Variants in LARP6 observed in about 807,000 individuals in gnomAD.
LARP6 encodes la-related protein 6.
Under a neutral mutation model 32.8 loss-of-function variants are expected in LARP6, and 18 were observed. The ratio of observed to expected loss-of-function variants is 0.55; its 90% CI spans 0.38 to 0.81. The LOEUF is 0.81. Among genes scored for constraint, LARP6 ranks in the 40% least tolerant of loss-of-function variants. LARP6 has a pLI of 0.00. For missense variants in LARP6, 598 were observed against 663.1 expected (o/e 0.90, Z 1.08); for synonymous variants, 289 against 267.2 (o/e 1.08, Z -0.80).
At chr15:70,838,207 T>C (rs1397965560) in intron 1 of LARP6, among the ~76,000 whole-genome samples, 1 of 152,250 alleles carries the variant, frequency 6.6e-6, no homozygotes, top group African/African-American at 2.4e-5. Flanking sequence ...ACCTGTACCA[T>C]TGTTTATTAG....
intron 1 of LARP6, among the ~76,000 whole-genome samples, chr15:70,840,865 CAAAT>C (rs1274004082): frequency 6.6e-6 from 1 of 150,570 alleles, no homozygotes; most frequent in Non-Finnish European, 1.5e-5. Context: ...AACTCATAAA[CAAAT>C]AAAGCATAAT....
chr15:70,832,521 G>A lies in LARP6; in HGVS notation c.1007C>T (p.Ala336Val). 7.8e-6 allele frequency: 12 copies of A among 1,544,046 alleles called. No homozygotes were observed. The highest frequency in any genetic ancestry group is 1.8e-4 in the Middle Eastern group (1 of 5,686). Residue 336 changes from alanine (A) to valine (V), a missense_variant, in exon 3 of 3, where the codon GCC (alanine) becomes GTC (valine). Ala to Val is a moderately conservative substitution (Grantham distance 64). Coordinates refer to ENST00000299213, the MANE Select transcript of LARP6 (RefSeq NM_018357.4). ...ELQYMGDESSANSSSDPESNP... is the reference protein window; with the variant it reads ...ELQYMGDESSVNSSSDPESNP... Reference sequence around the variant, plus strand: ...GCTCTCGGGGTCAGAGGAGCTGTTGGCAGAAGACTCATCACCCATGTACTG... The same window carrying A: ...GCTCTCGGGGTCAGAGGAGCTGTTGACAGAAGACTCATCACCCATGTACTG...
intron 1 of LARP6, chr15:70,849,314 G>A (rs1229297512): frequency 1.3e-5 from 2 of 154,834 alleles, no homozygotes; most frequent in Admixed American, 6.5e-5. Context: ...CCAAGATCAG[G>A]TCATTGCACT....
intron 1 of LARP6, chr15:70,851,658 C>T (rs2032457796): frequency 6.2e-7 from 1 of 1,614,002 alleles, no homozygotes; most frequent in Non-Finnish European, 8.5e-7. Context: ...GGGTGCTGTG[C>T]TAGGTGCTGA....
At position 70,832,654 on chromosome 15, in the gene LARP6, C is replaced by T. The variant is rs915898686; in HGVS notation, c.874G>A (p.Gly292Ser). 1.9e-6 allele frequency: 3 copies of T among 1,609,310 alleles called. No individual in the cohort carries two copies. The South Asian group carries it at 3.3e-5, about 18-fold the overall frequency. The change falls in exon 3 of 3, where the codon GGT becomes AGT. Residue 292 changes from glycine (G) to serine (S), a missense_variant. Physicochemically the swap from Gly to Ser is moderately conservative, Grantham distance 56 (BLOSUM62 0). Around this residue, in one of 3 missense-constraint regions of LARP6, gnomAD observed 368 missense variants for 397.9 expected, o/e 0.92. Transcript: ENST00000299213. ...GKENMKAVLI[G>S]MKPPKKKPAK... ...GGTTTCTTTTTGGGTGGCTTCATAC[C>T]AATCAGGACAGCTTTCATGTTCTCT...
chr15:70,837,934 T>A (rs2032178190), intron 1 of LARP6, among the ~76,000 whole-genome samples: 1 of 152,208 alleles, frequency 6.6e-6, no homozygotes, highest in Non-Finnish European at 1.5e-5. Flanking sequence ...ATATACGTAA[T>A]GAGATATCTC....
In LARP6 at chr15:70,831,256, G is replaced by A. The variant is rs2032035411; in HGVS notation, c.*796C>T. The stretch of plus-strand genomic sequence containing the variant: ...TTTGCTCAGTAAAATTCCCTGTGAT[G>A]AGACACCACTCAGGCTGCCAGAAGC... On this transcript the variant is annotated 3_prime_UTR_variant, in exon 3 of 3. Transcript: ENST00000299213. The A allele has an allele frequency of 6.6e-6, 1 of 152,394 alleles. No homozygotes were observed. The highest frequency in any genetic ancestry group is 2.1e-4 in the South Asian group (1 of 4,830). 9.4% of individuals were successfully genotyped at this position (152,394 alleles called of 1,614,324 possible).
chr15:70,838,723 C>A (rs991139811), intron 1 of LARP6, among the ~76,000 whole-genome samples: 1 of 152,062 alleles, frequency 6.6e-6, no homozygotes, highest in Non-Finnish European at 1.5e-5. Flanking sequence ...TACTGATTAT[C>A]CGCATCATAA....
intron 1 of LARP6, among the ~76,000 whole-genome samples, chr15:70,850,815 A>C (rs1166433572): frequency 6.6e-6 from 1 of 151,780 alleles, no homozygotes; most frequent in African/African-American, 2.4e-5. Context: ...CATGGTACAA[A>C]GGAGCAAGTA....
rs1234596053 is a variant in LARP6, at chr15:70,832,454, G to T, written c.1074C>A (p.Thr358=). The change falls in exon 3 of 3, where the codon ACC becomes ACA. Residue 358 remains threonine, a synonymous_variant. Transcript: ENST00000299213. Reference sequence around the variant, plus strand: ...GGTGGCCAGACGGGCTGAGCTTGTTGGTGGCCGCGTGCCGTCGGCCCGCCA... The same window carrying T: ...GGTGGCCAGACGGGCTGAGCTTGTTTGTGGCCGCGTGCCGTCGGCCCGCCA... ...SPMAGRRHAA[T]NKLSPSGHQN... 3.2e-6 allele frequency: 5 copies of T among 1,559,218 alleles called. No individual in the cohort carries two copies. The highest frequency in any genetic ancestry group is 2.5e-5 in the South Asian group (2 of 80,344).
At chr15:70,837,861 C>G (rs2032176894) in intron 1 of LARP6, among the ~76,000 whole-genome samples, 1 of 152,192 alleles carries the variant, frequency 6.6e-6, no homozygotes, top group Admixed American at 6.5e-5. Flanking sequence ...TATCCCTTAT[C>G]CAAAATGCCT....
chr15:70,851,219 A>C (rs2032442157), intron 1 of LARP6, among the ~76,000 whole-genome samples: 1 of 152,232 alleles, frequency 6.6e-6, no homozygotes, highest in South Asian at 2.1e-4. Flanking sequence ...AACATACCTC[A>C]AATGGTTCGG....
intron 1 of LARP6, chr15:70,853,341 AATT>A (rs2032535922): frequency 6.6e-6 from 1 of 152,376 alleles, no homozygotes; most frequent in Non-Finnish European, 1.5e-5. Context: ...ATCCGTCTCA[AATT>A]ACCTTGAAAT....
In LARP6 at chr15:70,842,515, T is replaced by C. The variant is rs556117696; in HGVS notation, c.201-6010A>G. Among the ~76,000 whole-genome samples, 3 of 152,260 alleles carry C rather than the reference T, an allele frequency of 2.0e-5. No homozygotes were observed. The East Asian group carries it at 5.8e-4, about 29-fold the overall frequency. ...CTCCTTCCTGAGCTGCAGTCCTCAATTCCTAACTGCATGCCAGACATTTCC... is the reference window on the plus strand; with the variant it reads ...CTCCTTCCTGAGCTGCAGTCCTCAACTCCTAACTGCATGCCAGACATTTCC... On this transcript the variant is annotated intron_variant, in intron 1 of 2. Coordinates refer to ENST00000299213, the MANE Select transcript of LARP6 (RefSeq NM_018357.4).
intron 1 of LARP6, among the ~76,000 whole-genome samples, chr15:70,842,202 T>G (rs1366609322): frequency 6.6e-6 from 1 of 152,052 alleles, no homozygotes; most frequent in African/African-American, 2.4e-5. Flanking sequence ...TGTGCCATCA[T>G]GCCTGGCTAA....
Position 70,832,836 on chromosome 15 carries a change from C to T in LARP6, c.692G>A (p.Arg231Gln), listed in dbSNP as rs746873492. 20 of 1,612,860 alleles carry T rather than the reference C, an allele frequency of 1.2e-5. No individual in the cohort carries two copies. The highest frequency in any genetic ancestry group is 6.7e-5 in the Admixed American group (4 of 59,754). ...CAGCTCTCTCCCAGGTTTGAGGATC[C>T]GCACTGATGAGATGACTCCAAAAGT... is the stretch of plus-strand genomic sequence containing the variant. The part of the protein sequence containing the change: ...FGTFGVISSV[R>Q]ILKPGRELPP... Residue 231 changes from arginine to glutamine, a missense_variant, in exon 3 of 3, where the codon CGG becomes CAG. Coordinates refer to ENST00000299213, the MANE Select transcript of LARP6 (RefSeq NM_018357.4).
Position 70,832,709 on chromosome 15 carries a change from A to G in LARP6, c.819T>C (p.His273=), listed in dbSNP as rs146396435. ...FEEVEAAIKA[H]EFMITESQGK... is the part of the protein sequence containing the mutation. ...CCTGAGATTCTGTGATCATGAACTC[A>G]TGGGCTTTGATGGCTGCTTCCACCT... is the stretch of plus-strand genomic sequence containing the variant. Residue 273 remains histidine, a synonymous_variant, in exon 3 of 3, where the codon CAT becomes CAC. Transcript: ENST00000299213. The G allele has an allele frequency of 1.9e-6, 3 of 1,601,456 alleles. No homozygotes were observed. The highest frequency in any genetic ancestry group is 1.3e-5 in the African/African-American group (1 of 74,154).
In LARP6 at chr15:70,854,089, G is replaced by T; in HGVS notation, c.-1C>A. The T allele has an allele frequency of 7.7e-7, 1 of 1,300,680 alleles. No individual in the cohort carries two copies. The highest frequency in any genetic ancestry group is 9.8e-7 in the Non-Finnish European group (1 of 1,019,846). The allele number at this position is 1,300,680 out of a possible 1,614,324, so 80.6% of individuals were successfully genotyped here. On this transcript the variant is annotated 5_prime_UTR_variant, in exon 1 of 3. Coordinates refer to ENST00000299213, the MANE Select transcript of LARP6 (RefSeq NM_018357.4). Reference sequence around the variant, plus strand: ...GAGCCTCCCCGCCGGACTGGGCCATGGCTCGCGGGACTGCGGCGCCGCCGG... The same window carrying T: ...GAGCCTCCCCGCCGGACTGGGCCATTGCTCGCGGGACTGCGGCGCCGCCGG...
intron 2 of LARP6, 69 bp from the exon 3 acceptor site, chr15:70,833,185 T>C (rs1296281768): frequency 5.5e-6 from 7 of 1,264,722 alleles, no homozygotes; most frequent in Admixed American, 1.7e-5. Flanking sequence ...TGCTATAAGC[T>C]CCCTCCCTCA....
Sources: allele counts gnomAD v4.1 joint callset (sites outside exome capture counted in the v4.1 genomes callset), GRCh38; gene constraint gnomAD v4.1.1; regional missense constraint gnomAD v4.1.1; transcripts MANE v1.5; gene names NCBI Gene and HGNC (gene_info 2026-07-23, HGNC 2026-07-21).